Variants in USH2A observed in about 807,000 individuals in gnomAD.
USH2A encodes usherin.
Under a neutral mutation model 538.9 loss-of-function variants are expected in USH2A, and 443 were observed. The ratio of observed to expected loss-of-function variants is 0.82; its 90% CI spans 0.76 to 0.89. USH2A has a LOEUF of 0.89. Among genes scored for constraint, USH2A ranks in the 40% least tolerant of loss-of-function variants. The pLI, the probability that USH2A is intolerant of heterozygous loss-of-function variation, is 0.00. For synonymous variants in USH2A, 2,413 were observed against 2,273.5 expected, an observed-to-expected ratio of 1.06 and a Z score of -1.75; for missense variants, 6,633 against 6,324.8, an observed-to-expected ratio of 1.05 and a Z score of -1.65.
In USH2A at chr1:215,845,983, A is replaced by T. The variant is rs1048801397; in HGVS notation, c.8896T>A (p.Ser2966Thr). ...TTTAGAGAGTCGTTTGAGGTAGCAG[A>T]ACTCCAAAAAAGTGTGTAATATTCA... ...EVEYYTLFWS[S>T]ATSNDSLKIL... Residue 2966 changes from serine to threonine, a missense_variant, in exon 45 of 72, where the codon TCT (serine) becomes ACT (threonine). By Grantham distance (58) the Ser-to-Thr change is moderately conservative. Transcript: ENST00000307340. 6.2e-7 allele frequency: 1 copy of T among 1,613,906 alleles called. No individual in the cohort carries two copies. The highest frequency in any genetic ancestry group is 1.7e-5 in the Admixed American group (1 of 59,916).
At chr1:216,422,865 G>T (rs781111331) in intron 1 of USH2A, among the ~76,000 whole-genome samples, 2 of 151,420 alleles carry the variant, frequency 1.3e-5, no homozygotes, top group Non-Finnish European at 2.9e-5. Context: ...ATTTTGTGTT[G>T]TTACTTCACC....
chr1:216,333,713 A>G (rs997067532), intron 4 of USH2A, among the ~76,000 whole-genome samples: 1 of 152,090 alleles, frequency 6.6e-6, no homozygotes, highest in African/African-American at 2.4e-5. Context: ...GAAAGCAGCA[A>G]GTGAGAAAAG....
chr1:216,382,478 G>A (rs2038937764), intron 3 of USH2A, among the ~76,000 whole-genome samples: 1 of 152,148 alleles, frequency 6.6e-6, no homozygotes, highest in Non-Finnish European at 1.5e-5. Context: ...ACATGAGGCT[G>A]AACAGTTGTC....
At chr1:216,294,254 C>A (rs528777256) in intron 9 of USH2A, among the ~76,000 whole-genome samples, 42 of 151,886 alleles carry the variant, frequency 2.8e-4, no homozygotes, top group African/African-American at 9.4e-4. Context: ...CTTTATAAAA[C>A]AAAGGCAGGA....
chr1:215,888,491 T>C lies in USH2A; in HGVS notation c.8158A>G (p.Arg2720Gly). ...NSSAWVEVTT[R>G]PSRPAGVQPP... ...TGCACCCCAGCAGGTCGTGAGGGTCTTGTGGTAACTTCTACCCAAGCACTG... is the reference window on the plus strand; with the variant it reads ...TGCACCCCAGCAGGTCGTGAGGGTCCTGTGGTAACTTCTACCCAAGCACTG... Residue 2720 changes from arginine (R) to glycine (G), a missense_variant, in exon 41 of 72, where the codon AGA becomes GGA. Transcript: ENST00000307340. 6.2e-7 allele frequency: 1 copy of C among 1,614,106 alleles called. No individual in the cohort carries two copies.
chr1:215,732,544 C>CTAT (rs1660028748), intron 60 of USH2A, among the ~76,000 whole-genome samples: 1 of 73,558 alleles, frequency 1.4e-5, no homozygotes, highest in South Asian at 5.7e-4. Flanking sequence ...TTTTTTCTTT[C>CTAT]TTTTTTTTTT....
intron 32 of USH2A, among the ~76,000 whole-genome samples, chr1:216,038,379 T>A (rs890276024): frequency 6.6e-6 from 1 of 152,044 alleles, no homozygotes; most frequent in Non-Finnish European, 1.5e-5. Context: ...CACCTCAAAC[T>A]AGATCTGGTT....
At chr1:216,128,723 A>G (rs1414998854) in intron 21 of USH2A, among the ~76,000 whole-genome samples, 2 of 152,104 alleles carry the variant, frequency 1.3e-5, no homozygotes, top group Non-Finnish European at 2.9e-5. Context: ...CATCACCCCA[A>G]GCAAGCATCA....
intron 61 of USH2A, among the ~76,000 whole-genome samples, chr1:215,710,860 A>G (rs1221793473): frequency 6.6e-6 from 1 of 151,976 alleles, no homozygotes; most frequent in Non-Finnish European, 1.5e-5. Context: ...TGGATCTTTG[A>G]AGGTAAAAGT....
At chr1:216,197,562 T>C (rs2034879716) in intron 18 of USH2A, among the ~76,000 whole-genome samples, 2 of 152,188 alleles carry the variant, frequency 1.3e-5, no homozygotes, top group African/African-American at 4.8e-5. Context: ...ATGATTCCCT[T>C]GGACATCAAC....
intron 39 of USH2A, 73 bp from the exon 40 acceptor site, chr1:215,900,290 A>G: frequency 6.5e-7 from 1 of 1,545,660 alleles, no homozygotes; most frequent in Non-Finnish European, 8.8e-7. Context: ...ATTTCTTACT[A>G]CAAAAAAATT....
intron 37 of USH2A, among the ~76,000 whole-genome samples, chr1:215,944,993 C>T (rs938031919): frequency 6.6e-6 from 1 of 151,930 alleles, no homozygotes; most frequent in African/African-American, 2.4e-5. Context: ...CAAATAATTG[C>T]CTTATTCTAA....
At chr1:215,889,933 C>T (rs775740446) in intron 40 of USH2A, among the ~76,000 whole-genome samples, 9 of 152,254 alleles carry the variant, frequency 5.9e-5, no homozygotes, top group Non-Finnish European at 1.0e-4. Context: ...CTTTACTGGG[C>T]TGCGTTAAAT....
chr1:216,140,807 C>G (rs558735675), intron 21 of USH2A, among the ~76,000 whole-genome samples: 1 of 152,150 alleles, frequency 6.6e-6, no homozygotes, highest in Non-Finnish European at 1.5e-5. Flanking sequence ...AAAGAGCAGG[C>G]CTTCAAGAAA....
chr1:215,822,328 G>A (rs904456796), intron 47 of USH2A, among the ~76,000 whole-genome samples: 50 of 151,760 alleles, frequency 3.3e-4, no homozygotes, highest in African/African-American at 1.2e-3. Flanking sequence ...TACTTGTATA[G>A]ATATTTTACT....
intron 50 of USH2A, among the ~76,000 whole-genome samples, chr1:215,793,221 T>C (rs1369801296): frequency 3.9e-5 from 6 of 152,182 alleles, no homozygotes; most frequent in Non-Finnish European, 2.9e-5. Flanking sequence ...GATTCCACTT[T>C]TTTTTAAAGA....
chr1:216,256,152 G>C (rs1368449230), intron 11 of USH2A, among the ~76,000 whole-genome samples: 1 of 151,936 alleles, frequency 6.6e-6, no homozygotes, highest in Non-Finnish European at 1.5e-5. Context: ...TCTGTAAGCA[G>C]CATATAGTTA....
chr1:215,778,074 C>G (rs1340348445), intron 55 of USH2A, among the ~76,000 whole-genome samples: 1 of 144,176 alleles, frequency 6.9e-6, no homozygotes, highest in Non-Finnish European at 1.5e-5. Flanking sequence ...TTTTTTGAGA[C>G]AGAGTCTCGT....
In USH2A at chr1:216,046,452, C is replaced by T; in HGVS notation, c.6304G>A (p.Glu2102Lys). ...MDGRLIYSGS[E>K]ENYIVTDLAV... Reference sequence around the variant, plus strand: ...TTACCTGTGACTATGTAGTTCTCCTCACTGCCTGAATAGATCAGCCTCCCA... The same window carrying T: ...TTACCTGTGACTATGTAGTTCTCCTTACTGCCTGAATAGATCAGCCTCCCA... The change falls in exon 32 of 72, where the codon GAG becomes AAG. Residue 2102 changes from glutamate (E) to lysine (K), a missense_variant. Physicochemically the swap from Glu to Lys is moderately conservative, Grantham distance 56. Coordinates refer to ENST00000307340, the MANE Select transcript of USH2A (RefSeq NM_206933.4). 1 of 1,613,360 alleles carries T rather than the reference C, an allele frequency of 6.2e-7. No individual in the cohort carries two copies. Among genetic ancestry groups the T allele is most frequent in the African/African-American group, 1.3e-5 (1 of 74,882 alleles).
Sources: allele counts gnomAD v4.1 joint callset (sites outside exome capture counted in the v4.1 genomes callset), GRCh38; gene constraint gnomAD v4.1.1; transcripts MANE v1.5; gene names NCBI Gene and HGNC (gene_info 2026-07-23, HGNC 2026-07-21).